Variants in EXT1 observed in about 807,000 individuals in gnomAD.
EXT1 encodes the protein exostosin-1.
Under a neutral mutation model 82.5 loss-of-function variants are expected in EXT1, and 20 were observed. That is an observed-to-expected ratio of 0.24 (90% CI 0.17 to 0.35). EXT1 has a LOEUF of 0.35. EXT1 is among the 10% of genes least tolerant of loss of function. The pLI is 1.00. For missense variants in EXT1, 757 were observed against 936.5 expected, an observed-to-expected ratio of 0.81 and a Z score of 2.50; for synonymous variants, 348 against 350.8, an observed-to-expected ratio of 0.99 and a Z score of 0.09.
Position 117,960,510 on chromosome 8 carries a change from G to A in EXT1, c.963-123309C>T, listed in dbSNP as rs572818066. On this transcript the variant is annotated intron_variant, in intron 1 of 10. Coordinates refer to ENST00000378204, the MANE Select transcript of EXT1 (RefSeq NM_000127.3). ...CCCTGTCTTAGAGGAACTCAACTGA[G>A]ATTGGATAGAGAAACAAATCAGGTA... Among the ~76,000 whole-genome samples, 4 of 152,262 alleles carry A rather than the reference G, an allele frequency of 2.6e-5. No homozygotes were observed. The South Asian group carries it at 8.3e-4, about 32-fold the overall frequency.
intron 1 of EXT1, among the ~76,000 whole-genome samples, chr8:117,930,199 T>C (rs576141935): frequency 6.6e-6 from 1 of 152,150 alleles, no homozygotes; most frequent in South Asian, 2.1e-4. Flanking sequence ...CTATCACTCA[T>C]TGTCATCCCA....
chr8:117,847,094 C>T (rs750218172), intron 1 of EXT1, among the ~76,000 whole-genome samples: 9 of 152,186 alleles, frequency 5.9e-5, no homozygotes, highest in Non-Finnish European at 1.0e-4. Flanking sequence ...CCTTAAGGGC[C>T]GGCCTACTGT....
At chr8:117,901,527 C>T (rs1251837338) in intron 1 of EXT1, among the ~76,000 whole-genome samples, 1 of 152,166 alleles carries the variant, frequency 6.6e-6, no homozygotes, top group Non-Finnish European at 1.5e-5. Flanking sequence ...ACACTGTACA[C>T]TCAGGCTACA....
chr8:117,919,617 G>A (rs891373791), intron 1 of EXT1, among the ~76,000 whole-genome samples: 2 of 150,294 alleles, frequency 1.3e-5, no homozygotes, highest in African/African-American at 4.9e-5. Context: ...CAATCATCCC[G>A]CCTCACCCTC....
intron 1 of EXT1, among the ~76,000 whole-genome samples, chr8:118,059,734 C>A (rs2129940227): frequency 6.6e-6 from 1 of 152,328 alleles, no homozygotes; most frequent in South Asian, 2.1e-4. Flanking sequence ...TTTACTTCCG[C>A]CAGCTCCTCT....
At position 117,837,137 on chromosome 8, in the gene EXT1, C is replaced by T. The variant is rs978347552; in HGVS notation, c.1027G>A (p.Gly343Arg). 6.2e-7 allele frequency: 1 copy of T among 1,613,972 alleles called. No individual in the cohort carries two copies. ...AAAGCCTCCAGGAATCTGAAGGACCCAAGCCTGCGACCACGAGGAACCAGA... is the reference window on the plus strand; with the variant it reads ...AAAGCCTCCAGGAATCTGAAGGACCTAAGCCTGCGACCACGAGGAACCAGA... ...FCLVPRGRRLGSFRFLEALQA... is the reference protein window; with the variant it reads ...FCLVPRGRRLRSFRFLEALQA... The change falls in exon 2 of 11, where the codon GGG (glycine) becomes AGG (arginine). Residue 343 changes from glycine (G) to arginine (R), a missense_variant. This residue lies in a region of EXT1 where 247 missense variants were observed against 330.1 expected (regional missense o/e 0.75). Coordinates refer to ENST00000378204, the MANE Select transcript of EXT1 (RefSeq NM_000127.3).
chr8:117,973,244 A>G (rs918475176), intron 1 of EXT1, among the ~76,000 whole-genome samples: 3 of 152,180 alleles, frequency 2.0e-5, no homozygotes, highest in African/African-American at 7.2e-5. Context: ...AGACAAAATG[A>G]CAGGAGAGTG....
chr8:117,808,640 A>G (rs1285797857), intron 8 of EXT1, among the ~76,000 whole-genome samples: 1 of 152,186 alleles, frequency 6.6e-6, no homozygotes, highest in African/African-American at 2.4e-5. Context: ...GAGTCCTGGC[A>G]CTGTGATGGT....
At chr8:118,052,049 CTT>C (rs1199539906) in intron 1 of EXT1, among the ~76,000 whole-genome samples, 2 of 152,190 alleles carry the variant, frequency 1.3e-5, no homozygotes, top group African/African-American at 4.8e-5. Flanking sequence ...AGCTGGGAGT[CTT>C]TGCCCTCTTC....
chr8:117,985,624 A>G (rs1381975481), intron 1 of EXT1, among the ~76,000 whole-genome samples: 1 of 152,128 alleles, frequency 6.6e-6, no homozygotes, highest in Non-Finnish European at 1.5e-5. Context: ...GAGATTACTA[A>G]AAGACACATA....
intron 1 of EXT1, among the ~76,000 whole-genome samples, chr8:118,076,822 A>G (rs1318851767): frequency 6.6e-6 from 1 of 152,248 alleles, no homozygotes; most frequent in Non-Finnish European, 1.5e-5. Context: ...ATTATACAGT[A>G]ATTTTTCTTT....
chr8:117,831,574 T>C (rs1440557651), intron 3 of EXT1: 1 of 471,120 alleles, frequency 2.1e-6, no homozygotes, highest in Non-Finnish European at 4.4e-6. Context: ...TTCCTTGTGA[T>C]TTGCAATTGC....
At chr8:118,086,675 A>T (rs1484048787) in intron 1 of EXT1, among the ~76,000 whole-genome samples, 1 of 152,192 alleles carries the variant, frequency 6.6e-6, no homozygotes, top group Non-Finnish European at 1.5e-5. Flanking sequence ...TATTTAATTC[A>T]GCTTGCATTC....
At chr8:118,039,572 A>T (rs540334379) in intron 1 of EXT1, among the ~76,000 whole-genome samples, 2,048 of 151,224 alleles carry the variant, frequency 0.014, 58 homozygotes, top group African/African-American at 0.047. Context: ...AAAAAAAAAA[A>T]AAAAAAAAAT....
intron 1 of EXT1, among the ~76,000 whole-genome samples, chr8:118,072,490 G>A (rs17505945): frequency 1.5e-4 from 23 of 152,254 alleles, no homozygotes; most frequent in African/African-American, 5.3e-4. Flanking sequence ...TTACCCTAAG[G>A]GGGGAGACCC....
At chr8:117,996,723 T>C (rs1240267446) in intron 1 of EXT1, among the ~76,000 whole-genome samples, 1 of 152,250 alleles carries the variant, frequency 6.6e-6, no homozygotes, top group Admixed American at 6.5e-5. Flanking sequence ...AAAACTGCTA[T>C]TCCTACATTT....
chr8:117,859,112 G>A (rs2129857407), intron 1 of EXT1, among the ~76,000 whole-genome samples: 1 of 152,198 alleles, frequency 6.6e-6, no homozygotes, highest in South Asian at 2.1e-4. Context: ...ATACCTAATA[G>A]ACTACAATAT....
intron 1 of EXT1, among the ~76,000 whole-genome samples, chr8:117,975,060 C>T (rs1013935761): frequency 3.9e-5 from 6 of 152,306 alleles, no homozygotes; most frequent in East Asian, 1.9e-4. Flanking sequence ...CTTATTCCAA[C>T]GATAAGTGCT....
At chr8:117,863,715 G>A (rs551695829) in intron 1 of EXT1, among the ~76,000 whole-genome samples, 18 of 152,132 alleles carry the variant, frequency 1.2e-4, no homozygotes, top group African/African-American at 3.4e-4. Context: ...TACCCTGCCC[G>A]GCTCCAGATG....
Sources: allele counts gnomAD v4.1 joint callset (sites outside exome capture counted in the v4.1 genomes callset), GRCh38; gene constraint gnomAD v4.1.1; regional missense constraint gnomAD v4.1.1; transcripts MANE v1.5; gene names NCBI Gene and HGNC (gene_info 2026-07-23, HGNC 2026-07-21).